MOB3B: variants seen among roughly 807,000 people sequenced by gnomAD.
MOB3B encodes MOB kinase activator 3B, also known as MOB kinase activator-like 2B.
A neutral mutation model predicts 18.7 loss-of-function variants in MOB3B; 7 were observed. The observed-to-expected ratio is 0.37, with a 90% confidence interval of 0.21 to 0.70. The LOEUF (loss-of-function observed/expected upper bound fraction) is 0.70, where lower values mean the gene tolerates loss of function less well. Among genes scored for constraint, MOB3B ranks in the 30% least tolerant of loss-of-function variants. MOB3B has a pLI of 0.52. For synonymous variants in MOB3B, 111 were observed against 99.9 expected, an observed-to-expected ratio of 1.11 and a Z score of -0.66; for missense variants, 253 against 281.3, an observed-to-expected ratio of 0.90 and a Z score of 0.72.
chr9:27,454,617 A>T (rs1436978364), intron 2 of MOB3B, among the ~76,000 whole-genome samples: 1 of 152,214 alleles, frequency 6.6e-6, no homozygotes, highest in Non-Finnish European at 1.5e-5. Context: ...TAAAGTAAAC[A>T]GCACAGCCTG....
chr9:27,520,746 G>A (rs1210754597), intron 1 of MOB3B, among the ~76,000 whole-genome samples: 1 of 135,622 alleles, frequency 7.4e-6, no homozygotes, highest in African/African-American at 3.2e-5. Context: ...TCTGCAGGAG[G>A]AGGAAGAGTA....
At chr9:27,345,851 G>A (rs918663066) in intron 3 of MOB3B, among the ~76,000 whole-genome samples, 1 of 152,334 alleles carries the variant, frequency 6.6e-6, no homozygotes, top group South Asian at 2.1e-4. Flanking sequence ...AACTGGGCTC[G>A]TGGAGCTGGA....
intron 3 of MOB3B, among the ~76,000 whole-genome samples, chr9:27,336,830 G>C (rs1383595707): frequency 1.3e-5 from 2 of 152,090 alleles, no homozygotes; most frequent in Non-Finnish European, 2.9e-5. Flanking sequence ...AAGTAGGAGA[G>C]ATTCATCTCC....
chr9:27,444,240 GA>G (rs1360877554), intron 2 of MOB3B, among the ~76,000 whole-genome samples: 13 of 64,390 alleles, frequency 2.0e-4, no homozygotes, highest in South Asian at 7.5e-4. Flanking sequence ...GGGAGGGAGG[GA>G]AGGAAGGAAG....
intron 2 of MOB3B, among the ~76,000 whole-genome samples, chr9:27,440,466 G>A (rs1307142127): frequency 6.6e-6 from 1 of 151,830 alleles, no homozygotes; most frequent in African/African-American, 2.4e-5. Flanking sequence ...ACGTATCAAT[G>A]GATGATGGGA....
At chr9:27,454,366 G>C (rs1162102202) in intron 2 of MOB3B, among the ~76,000 whole-genome samples, 4 of 152,140 alleles carry the variant, frequency 2.6e-5, no homozygotes, top group African/African-American at 9.7e-5. Flanking sequence ...TTAGGCACTG[G>C]AGCTACAACA....
chr9:27,434,206 G>A (rs1822458912), intron 2 of MOB3B, among the ~76,000 whole-genome samples: 1 of 152,100 alleles, frequency 6.6e-6, no homozygotes, highest in African/African-American at 2.4e-5. Context: ...TTGCTCATCT[G>A]GGCTGTCTGC....
chr9:27,529,773 C>T lies in MOB3B; in HGVS notation c.-417G>A, dbSNP rs1418692100. 2.0e-6 allele frequency: 2 copies of T among 985,344 alleles called. No homozygotes were observed. Among genetic ancestry groups the T allele is most frequent in the African/African-American group, 1.7e-5 (1 of 57,242 alleles). 61.0% of individuals were successfully genotyped at this position (985,344 alleles called of 1,614,324 possible). On this transcript the variant is annotated 5_prime_UTR_variant, in exon 1 of 4. Coordinates refer to ENST00000262244, the MANE Select transcript of MOB3B (RefSeq NM_024761.5). ...GCCGCCGTCGCTCCGGAGCAGCCCC[C>T]TCATGCACCCAGCGCGCCGCGCAGC...
intron 2 of MOB3B, among the ~76,000 whole-genome samples, chr9:27,375,072 T>C (rs1181578952): frequency 2.6e-5 from 4 of 152,238 alleles, no homozygotes; most frequent in Non-Finnish European, 5.9e-5. Flanking sequence ...CTCCTTTACA[T>C]TGGGCCATCC....
chr9:27,454,696 C>G (rs759806890), intron 2 of MOB3B, among the ~76,000 whole-genome samples: 1 of 152,180 alleles, frequency 6.6e-6, no homozygotes, highest in Non-Finnish European at 1.5e-5. Context: ...AATTTGAACC[C>G]CCAGTTTGTT....
chr9:27,516,402 G>C (rs1820234668), intron 1 of MOB3B, among the ~76,000 whole-genome samples: 1 of 152,124 alleles, frequency 6.6e-6, no homozygotes, highest in African/African-American at 2.4e-5. Flanking sequence ...TTTCATGGGA[G>C]GCATATACTA....
intron 3 of MOB3B, among the ~76,000 whole-genome samples, chr9:27,336,772 G>A (rs767960971): frequency 1.2e-4 from 18 of 152,080 alleles, no homozygotes; most frequent in African/African-American, 2.4e-5. Context: ...GCCCGCACAC[G>A]TGTATACTCA....
intron 2 of MOB3B, among the ~76,000 whole-genome samples, chr9:27,439,018 A>AC (rs965700130): frequency 3.3e-5 from 5 of 152,222 alleles, no homozygotes; most frequent in African/African-American, 1.2e-4. Context: ...GGAGAAAAAC[A>AC]CAACAGCTCC....
intron 1 of MOB3B, among the ~76,000 whole-genome samples, chr9:27,478,943 T>C (rs1028421780): frequency 1.8e-4 from 27 of 151,576 alleles, no homozygotes; most frequent in African/African-American, 6.3e-4. Flanking sequence ...TAATGGCAAT[T>C]AGATTGGTGG....
At chr9:27,440,312 A>G (rs528835329) in intron 2 of MOB3B, among the ~76,000 whole-genome samples, 2 of 152,108 alleles carry the variant, frequency 1.3e-5, no homozygotes, top group Middle Eastern at 3.4e-3. Context: ...TCAATTATCT[A>G]TGTAGATGGA....
intron 1 of MOB3B, among the ~76,000 whole-genome samples, chr9:27,513,993 T>C (rs1820190061): frequency 6.6e-6 from 1 of 152,124 alleles, no homozygotes; most frequent in South Asian, 2.1e-4. Context: ...ACCCAACAAC[T>C]GGAACCATCC....
intron 2 of MOB3B, among the ~76,000 whole-genome samples, chr9:27,407,246 CACA>C (rs1331714081): frequency 2.0e-5 from 3 of 152,182 alleles, no homozygotes; most frequent in Admixed American, 6.5e-5. Context: ...ATGTTTAGAG[CACA>C]ACATCAGGGA....
At chr9:27,430,193 G>A (rs1351138340) in intron 2 of MOB3B, among the ~76,000 whole-genome samples, 1 of 152,148 alleles carries the variant, frequency 6.6e-6, no homozygotes, top group Non-Finnish European at 1.5e-5. Context: ...TACAATTAGG[G>A]AAGCTTAGAG....
chr9:27,496,012 G>A (rs1458321535), intron 1 of MOB3B, among the ~76,000 whole-genome samples: 1 of 152,146 alleles, frequency 6.6e-6, no homozygotes, highest in Non-Finnish European at 1.5e-5. Flanking sequence ...GTTATAATTA[G>A]CATAGATTCT....
Sources: allele counts gnomAD v4.1 joint callset (sites outside exome capture counted in the v4.1 genomes callset), GRCh38; gene constraint gnomAD v4.1.1; transcripts MANE v1.5; gene names NCBI Gene and HGNC (gene_info 2026-07-23, HGNC 2026-07-21).